Variants in FSTL1 observed in about 807,000 individuals in gnomAD.
FSTL1 encodes follistatin like 1, also known as follistatin-related protein 1.
A neutral mutation model predicts 45.9 loss-of-function variants in FSTL1; 24 were observed. The observed-to-expected ratio is 0.52, with a 90% CI of 0.38 to 0.74. FSTL1 has a LOEUF of 0.74. Among genes scored for constraint, FSTL1 ranks in the 30% least tolerant of loss-of-function variants. The pLI is 0.00. For missense variants in FSTL1, 340 were observed against 381.8 expected, an observed-to-expected ratio of 0.89 and a Z score of 0.91; for synonymous variants, 120 against 137.6, an observed-to-expected ratio of 0.87 and a Z score of 0.89.
At position 120,396,710 on chromosome 3, in the gene FSTL1, C is replaced by T. The variant is rs1206350678; in HGVS notation, c.*242G>A. The T allele has an allele frequency of 8.1e-6, 4 of 492,550 alleles. No homozygotes were observed. The highest frequency in any genetic ancestry group is 3.0e-5 in the South Asian group (1 of 33,762). The allele number at this position is 492,550 out of a possible 1,614,324, so 30.5% of individuals were successfully genotyped here. ...GTGATGCAGTTTCCTTACTAGCCTC[C>T]AGCCCCAGAGCACCATTTACAGTTT... On this transcript the variant is annotated 3_prime_UTR_variant, in exon 11 of 11. Coordinates refer to ENST00000295633, the MANE Select transcript of FSTL1 (RefSeq NM_007085.5).
chr3:120,404,734 T>C, intron 7 of FSTL1, 119 bp downstream of exon 7: 1 of 699,702 alleles, frequency 1.4e-6, no homozygotes, highest in Non-Finnish European at 2.7e-6. Flanking sequence ...ATTCCCATTT[T>C]GCTTTTTACG....
chr3:120,396,019 A>G lies in FSTL1; in HGVS notation c.*933T>C. On this transcript the variant is annotated 3_prime_UTR_variant, in exon 11 of 11. Transcript: ENST00000295633. Reference sequence around the variant, plus strand: ...TGCTTCTTCCCCTGGCTTCGGTCTAAGGCACCCTTGCTCCTCTGGCAGATA... The same window carrying G: ...TGCTTCTTCCCCTGGCTTCGGTCTAGGGCACCCTTGCTCCTCTGGCAGATA... 3.8e-6 allele frequency: 1 copy of G among 266,286 alleles called. No homozygotes were observed. The highest frequency in any genetic ancestry group is 2.4e-5 in the African/African-American group (1 of 42,354). 16.5% of individuals were successfully genotyped at this position (266,286 alleles called of 1,614,324 possible). A position where few individuals can be genotyped will look rare whatever the true frequency, so the allele number is the denominator to read the frequency against.
At chr3:120,445,192 A>G (rs920920850) in intron 2 of FSTL1, among the ~76,000 whole-genome samples, 1 of 150,008 alleles carries the variant, frequency 6.7e-6, no homozygotes, top group African/African-American at 2.5e-5. Flanking sequence ...ATTAATGTCA[A>G]TTAAGGCTGT....
intron 9 of FSTL1, among the ~76,000 whole-genome samples, chr3:120,401,832 CAA>C (rs1560010654): frequency 6.6e-6 from 1 of 152,156 alleles, no homozygotes; most frequent in Admixed American, 6.5e-5. Context: ...TTGGCCTCCC[CAA>C]GTGTTGGGAT....
chr3:120,449,417 C>A (rs1049310532), intron 2 of FSTL1, among the ~76,000 whole-genome samples: 2 of 152,108 alleles, frequency 1.3e-5, no homozygotes, highest in African/African-American at 4.8e-5. Flanking sequence ...GGGTCCGGAG[C>A]CAGACTGTTT....
At chr3:120,426,146 T>C (rs920199227) in intron 2 of FSTL1, among the ~76,000 whole-genome samples, 1 of 151,978 alleles carries the variant, frequency 6.6e-6, no homozygotes, top group Admixed American at 6.5e-5. Flanking sequence ...AGGAAAATGG[T>C]TGATCAAAAG....
chr3:120,402,135 C>CT (rs1326265892), intron 9 of FSTL1, among the ~76,000 whole-genome samples: 4 of 152,198 alleles, frequency 2.6e-5, no homozygotes, highest in African/African-American at 9.7e-5. Context: ...TCAGATTTCT[C>CT]TGTCTCCCCA....
At position 120,392,897 on chromosome 3, in the gene FSTL1, T is replaced by C. The variant is rs898350095; in HGVS notation, c.*4055A>G. On this transcript the variant is annotated 3_prime_UTR_variant, in exon 11 of 11. Transcript: ENST00000295633. ...TGATAAAGAAGCTCTAAAATAAAGC[T>C]GATCAAAGTAACATACTTCTTTGCA... is the stretch of plus-strand genomic sequence containing the variant. 3.3e-5 allele frequency: 5 copies of C among 152,358 alleles called. No homozygotes were observed. The highest frequency in any genetic ancestry group is 7.3e-5 in the Non-Finnish European group (5 of 68,034). 9.4% of individuals were successfully genotyped at this position (152,358 alleles called of 1,614,324 possible). A position where few individuals can be genotyped will look rare whatever the true frequency, so the allele number is the denominator to read the frequency against.
chr3:120,404,172 G>A (rs1016116068), intron 7 of FSTL1, among the ~76,000 whole-genome samples: 6 of 152,040 alleles, frequency 3.9e-5, no homozygotes, highest in African/African-American at 7.2e-5. Flanking sequence ...AGGCTCAAAC[G>A]TTGAAATTAT....
intron 2 of FSTL1, among the ~76,000 whole-genome samples, chr3:120,424,302 T>C (rs1937336761): frequency 6.6e-6 from 1 of 152,022 alleles, no homozygotes; most frequent in Non-Finnish European, 1.5e-5. Flanking sequence ...ACCCTGTCTC[T>C]AAAAATAACA....
intron 2 of FSTL1, among the ~76,000 whole-genome samples, chr3:120,428,462 G>A (rs999012731): frequency 8.5e-5 from 13 of 152,210 alleles, no homozygotes; most frequent in Non-Finnish European, 1.9e-4. Context: ...GCCGGGCACA[G>A]TGGCTCATAC....
At chr3:120,446,604 C>G (rs2107674354) in intron 2 of FSTL1, among the ~76,000 whole-genome samples, 1 of 152,252 alleles carries the variant, frequency 6.6e-6, no homozygotes, top group Non-Finnish European at 1.5e-5. Flanking sequence ...TTTTAGAGAT[C>G]TTTTTAGCTT....
intron 5 of FSTL1, 70 bp from the exon 6 acceptor site, chr3:120,409,732 T>A: frequency 1.4e-6 from 2 of 1,462,800 alleles, no homozygotes; most frequent in Non-Finnish European, 1.9e-6. Flanking sequence ...GCACCCACTG[T>A]GTGGGAGCAT....
chr3:120,430,529 C>T (rs1260103204), intron 2 of FSTL1, among the ~76,000 whole-genome samples: 1 of 152,184 alleles, frequency 6.6e-6, no homozygotes, highest in Non-Finnish European at 1.5e-5. Context: ...CTGGCACCCT[C>T]TACAGGTCCC....
At chr3:120,403,011 G>C in intron 8 of FSTL1, 93 bp from the exon 9 acceptor site, 1 of 857,408 alleles carries the variant, frequency 1.2e-6, no homozygotes, top group South Asian at 1.4e-5. Context: ...TTTTTTCCCA[G>C]ACAAGACCTG....
intron 7 of FSTL1, among the ~76,000 whole-genome samples, chr3:120,403,967 CAAAAACAAAAA>C (rs1560011656): frequency 1.7e-4 from 6 of 36,304 alleles, no homozygotes; most frequent in East Asian, 9.9e-4. Context: ...AAAACAAAAA[CAAAAACAAAAA>C]AAAACAAAAA....
chr3:120,409,215 G>A (rs1392350392), intron 6 of FSTL1, among the ~76,000 whole-genome samples: 1 of 152,224 alleles, frequency 6.6e-6, no homozygotes, highest in Non-Finnish European at 1.5e-5. Context: ...TTAACAGCCA[G>A]ATCCATAAGG....
rs2272516 is a variant in FSTL1, at chr3:120,416,054, C to T, written c.64-27G>A. 1.6e-5 allele frequency: 23 copies of T among 1,481,192 alleles called. No homozygotes were observed. The East Asian group carries it at 1.8e-4, about 12-fold the overall frequency. 91.8% of individuals were successfully genotyped at this position (1,481,192 alleles called of 1,614,324 possible). The stretch of plus-strand genomic sequence containing the variant: ...TAAAACATACAATCATAAAGGAAAC[C>T]GTGTGACTGAGATGAACCCATTATG... On this transcript the variant is annotated intron_variant, in intron 2 of 10. Coordinates refer to ENST00000295633, the MANE Select transcript of FSTL1 (RefSeq NM_007085.5).
intron 2 of FSTL1, among the ~76,000 whole-genome samples, chr3:120,422,248 G>C (rs1937290453): frequency 6.6e-6 from 1 of 152,164 alleles, no homozygotes; most frequent in East Asian, 1.9e-4. Flanking sequence ...AATTTTTGGA[G>C]ATCTAATGTA....
Sources: gnomAD v4.1 joint callset for allele counts (sites outside exome capture counted in the v4.1 genomes callset) on GRCh38, gnomAD v4.1.1 for gene constraint, MANE v1.5 for transcripts, NCBI Gene and HGNC (gene_info 2026-07-23, HGNC 2026-07-21) for gene names.